FRMD5: variants seen among roughly 807,000 people sequenced by gnomAD.
FRMD5 encodes the protein FERM domain-containing protein 5.
Under a neutral mutation model 69.0 loss-of-function variants are expected in FRMD5, and 20 were observed. The observed-to-expected ratio is 0.29, with a 90% CI of 0.20 to 0.42. The LOEUF (loss-of-function observed/expected upper bound fraction) is 0.42. Among genes scored for constraint, FRMD5 ranks in the 10% least tolerant of loss-of-function variants. FRMD5 has a pLI of 1.00. For missense variants in FRMD5, 595 were observed against 708.6 expected (o/e 0.84, Z 1.82); for synonymous variants, 271 against 260.1 (o/e 1.04, Z -0.40).
intron 1 of FRMD5, among the ~76,000 whole-genome samples, chr15:44,065,572 G>C (rs931781888): frequency 7.2e-5 from 11 of 152,138 alleles, no homozygotes; most frequent in African/African-American, 2.7e-4. Flanking sequence ...TACACAGGTT[G>C]ACTTAGACAG....
chr15:44,199,298 C>T (rs2078327103), upstream of FRMD5, among the ~76,000 whole-genome samples: 1 of 152,160 alleles, frequency 6.6e-6, no homozygotes. Flanking sequence ...CTTTCAAAGC[C>T]TCATGGACTA....
At chr15:43,898,841 G>T (rs777367442) in intron 7 of FRMD5, among the ~76,000 whole-genome samples, 5 of 152,164 alleles carry the variant, frequency 3.3e-5, no homozygotes, top group Non-Finnish European at 5.9e-5. Context: ...TGGAATTTGG[G>T]TATTAGCTAA....
At position 43,888,166 on chromosome 15, in the gene FRMD5, T is replaced by C. The variant is rs1467290053; in HGVS notation, c.884+9A>G. 1.3e-6 allele frequency: 2 copies of C among 1,597,570 alleles called. No homozygotes were observed. Among genetic ancestry groups the C allele is most frequent in the Non-Finnish European group, 1.7e-6 (2 of 1,165,034 alleles). On this transcript the variant is annotated intron_variant, in intron 10 of 13. Coordinates refer to ENST00000417257, the MANE Select transcript of FRMD5 (RefSeq NM_032892.5). Reference sequence around the variant, plus strand: ...AGAAAGACAGTCCCCATCACATGTATCCACTCACTTGTAGAAGGCTTGGTT... The same window carrying C: ...AGAAAGACAGTCCCCATCACATGTACCCACTCACTTGTAGAAGGCTTGGTT...
chr15:44,168,335 C>A (rs1055688695), intron 1 of FRMD5, among the ~76,000 whole-genome samples: 1 of 152,180 alleles, frequency 6.6e-6, no homozygotes, highest in African/African-American at 2.4e-5. Context: ...TAAAGTCAGA[C>A]TAGACTGTGA....
intron 1 of FRMD5, among the ~76,000 whole-genome samples, chr15:43,999,502 T>G (rs1416063984): frequency 6.6e-6 from 1 of 152,160 alleles, no homozygotes; most frequent in Non-Finnish European, 1.5e-5. Flanking sequence ...TGCAATTCAT[T>G]ATTATTATAG....
chr15:44,167,132 T>C (rs2077723155), intron 1 of FRMD5, among the ~76,000 whole-genome samples: 1 of 152,168 alleles, frequency 6.6e-6, no homozygotes, highest in Non-Finnish European at 1.5e-5. Flanking sequence ...AACTGGTTCA[T>C]ATTGGCTGCC....
chr15:43,872,379 T>C lies in FRMD5; in HGVS notation c.*1506A>G, dbSNP rs1030427978. 1 of 152,194 alleles carries C rather than the reference T, an allele frequency of 6.6e-6. No individual in the cohort carries two copies. Among genetic ancestry groups the C allele is most frequent in the African/African-American group, 2.4e-5 (1 of 41,436 alleles). 9.4% of individuals were successfully genotyped at this position (152,194 alleles called of 1,614,324 possible). On this transcript the variant is annotated 3_prime_UTR_variant, in exon 14 of 14. Coordinates refer to ENST00000417257, the MANE Select transcript of FRMD5 (RefSeq NM_032892.5). ...TAGGGTATCAGCAGCTGCTCTACTTTTGTGTGGGTCCAGGAATATGTCCAT... is the reference window on the plus strand; with the variant it reads ...TAGGGTATCAGCAGCTGCTCTACTTCTGTGTGGGTCCAGGAATATGTCCAT...
chr15:44,133,767 C>T (rs528413955), intron 1 of FRMD5, among the ~76,000 whole-genome samples: 1 of 151,698 alleles, frequency 6.6e-6, no homozygotes, highest in Non-Finnish European at 1.5e-5. Flanking sequence ...GAAGAAGAAG[C>T]CTATATAAAA....
intron 12 of FRMD5, 88 bp from the exon 13 acceptor site, chr15:43,883,897 G>C (rs539370691): frequency 1.1e-6 from 1 of 922,918 alleles, no homozygotes; most frequent in South Asian, 1.3e-5. Context: ...TACTAGAATT[G>C]CCTGGCTATA....
chr15:44,104,453 A>C (rs958045143), intron 1 of FRMD5, among the ~76,000 whole-genome samples: 1 of 152,222 alleles, frequency 6.6e-6, no homozygotes, highest in African/African-American at 2.4e-5. Flanking sequence ...CTTCATATTC[A>C]TTCACCACTC....
rs567019398 is a variant in FRMD5, at chr15:44,144,792, G to A, written c.102+50161C>T. 4.6e-5 allele frequency among the ~76,000 whole-genome samples: 7 copies of A among 152,224 alleles called. No individual in the cohort carries two copies. The South Asian group carries it at 1.2e-3, about 27-fold the overall frequency. On this transcript the variant is annotated intron_variant, in intron 1 of 13. Coordinates refer to ENST00000417257, the MANE Select transcript of FRMD5 (RefSeq NM_032892.5). ...TCTTCCAGAAGGGGGAAACTGCAAC[G>A]GAGTGAGTCAAGTCCTTCCAAGCGT...
intron 1 of FRMD5, among the ~76,000 whole-genome samples, chr15:44,103,559 T>C (rs1378469069): frequency 2.0e-5 from 3 of 152,214 alleles, no homozygotes; most frequent in South Asian, 2.1e-4. Context: ...AATTCATCTA[T>C]TTAAAGTGTA....
chr15:43,962,427 C>T (rs2090217556), intron 1 of FRMD5, among the ~76,000 whole-genome samples: 1 of 152,178 alleles, frequency 6.6e-6, no homozygotes, highest in South Asian at 2.1e-4. Context: ...AATGGAAGAA[C>T]ATTCCATGCT....
In FRMD5 at chr15:44,095,617, T is replaced by G. The variant is rs144715114; in HGVS notation, c.102+99336A>C. Among the ~76,000 whole-genome samples, 18 of 152,278 alleles carry G rather than the reference T, an allele frequency of 1.2e-4. 1 individual carries two copies. The highest frequency in any genetic ancestry group is 3.1e-4 in the African/African-American group (13 of 41,568). ...GGAGCTCTGATTCACCTGTGCTGCTTCTTCTTTCTTGCATTTTCTTACCTT... is the reference window on the plus strand; with the variant it reads ...GGAGCTCTGATTCACCTGTGCTGCTGCTTCTTTCTTGCATTTTCTTACCTT... On this transcript the variant is annotated intron_variant, in intron 1 of 13. Transcript: ENST00000417257.
rs2088168421 is a variant in FRMD5, at chr15:43,871,865, C to T, written c.*2020G>A. 1 of 152,196 alleles carries T rather than the reference C, an allele frequency of 6.6e-6. No individual in the cohort carries two copies. Among genetic ancestry groups the T allele is most frequent in the African/African-American group, 2.4e-5 (1 of 41,438 alleles). 9.4% of individuals were successfully genotyped at this position (152,196 alleles called of 1,614,324 possible). A position where few individuals can be genotyped will look rare whatever the true frequency, so the allele number is the denominator to read the frequency against. On this transcript the variant is annotated 3_prime_UTR_variant, in exon 14 of 14. Transcript: ENST00000417257. ...ACCCTTTAAACAAGCAACCCTAGTG[C>T]CTCCACTGGGAAGAGGTCCCAGATC...
chr15:44,085,020 T>C (rs1026287253), intron 1 of FRMD5, among the ~76,000 whole-genome samples: 1 of 152,124 alleles, frequency 6.6e-6, no homozygotes, highest in Admixed American at 6.6e-5. Flanking sequence ...GAGATTTACC[T>C]ATGGAAATCT....
intron 1 of FRMD5, among the ~76,000 whole-genome samples, chr15:44,135,598 CA>C (rs2077170082): frequency 6.6e-6 from 1 of 151,978 alleles, no homozygotes; most frequent in African/African-American, 2.4e-5. Flanking sequence ...GAGGCCAAGG[CA>C]GTGGGGATCA....
chr15:44,176,749 T>A (rs796765162), intron 1 of FRMD5, among the ~76,000 whole-genome samples: 5 of 152,060 alleles, frequency 3.3e-5, no homozygotes, highest in African/African-American at 9.7e-5. Flanking sequence ...CAAAAAGATA[T>A]ACAAATGGCC....
intron 1 of FRMD5, among the ~76,000 whole-genome samples, chr15:43,996,025 C>T (rs1489046636): frequency 6.6e-6 from 1 of 152,168 alleles, no homozygotes; most frequent in African/African-American, 2.4e-5. Context: ...GGCCTGGAGC[C>T]CGTGTCTGAA....
Sources: gnomAD v4.1 joint callset for allele counts (sites outside exome capture counted in the v4.1 genomes callset) on GRCh38, gnomAD v4.1.1 for gene constraint, MANE v1.5 for transcripts, NCBI Gene and HGNC (gene_info 2026-07-23, HGNC 2026-07-21) for gene names.